Variants in SH3GL2 observed in about 807,000 individuals in gnomAD.
SH3GL2 encodes the protein SH3 domain containing GRB2 like 2, endophilin A1, also known as endophilin-A1.
SH3GL2 carries 24 observed loss-of-function variants against 46.0 expected under a neutral mutation model. The ratio of observed to expected loss-of-function variants is 0.52; its 90% CI spans 0.38 to 0.73. The LOEUF is 0.73. Ranked by LOEUF, SH3GL2 falls within the 30% of genes least tolerant of loss-of-function variation. SH3GL2 has a pLI of 0.00. For missense variants in SH3GL2, 413 were observed against 424.2 expected, an observed-to-expected ratio of 0.97 and a Z score of 0.23; for synonymous variants, 196 against 147.1, an observed-to-expected ratio of 1.33 and a Z score of -2.40.
intron 1 of SH3GL2, among the ~76,000 whole-genome samples, chr9:17,711,602 G>A (rs1821626505): frequency 6.6e-6 from 1 of 151,636 alleles, no homozygotes; most frequent in Non-Finnish European, 1.5e-5. Flanking sequence ...CTTTCAATCG[G>A]CATAATTGTT....
intron 1 of SH3GL2, among the ~76,000 whole-genome samples, chr9:17,667,911 T>C (rs1465319964): frequency 6.6e-6 from 1 of 152,216 alleles, no homozygotes; most frequent in Non-Finnish European, 1.5e-5. Context: ...CTAAGGATGT[T>C]GAGCATCTCT....
At chr9:17,761,224 T>C (rs147896599) in intron 2 of SH3GL2, among the ~76,000 whole-genome samples, 30 of 152,310 alleles carry the variant, frequency 2.0e-4, no homozygotes, top group African/African-American at 6.7e-4. Flanking sequence ...TACAAGCTTC[T>C]TCTTTGGATA....
At chr9:17,772,086 G>C (rs1823498731) in intron 3 of SH3GL2, among the ~76,000 whole-genome samples, 1 of 152,132 alleles carries the variant, frequency 6.6e-6, no homozygotes, top group Non-Finnish European at 1.5e-5. Context: ...AGAGGGCCAC[G>C]TTTCAGACTT....
chr9:17,606,750 A>T (rs1307865934), intron 1 of SH3GL2, among the ~76,000 whole-genome samples: 1 of 152,154 alleles, frequency 6.6e-6, no homozygotes, highest in African/African-American at 2.4e-5. Flanking sequence ...TAAAGGTGAA[A>T]CTTAATGTTA....
At chr9:17,601,221 G>T (rs1171437773) in intron 1 of SH3GL2, among the ~76,000 whole-genome samples, 1 of 152,106 alleles carries the variant, frequency 6.6e-6, no homozygotes, top group African/African-American at 2.4e-5. Context: ...TGTCTTAAGA[G>T]ATACCGTTGT....
intron 1 of SH3GL2, among the ~76,000 whole-genome samples, chr9:17,604,413 G>C (rs141055929): frequency 6.6e-6 from 1 of 152,214 alleles, no homozygotes; most frequent in Non-Finnish European, 1.5e-5. Flanking sequence ...GCTTAGCATA[G>C]TATTTTCACA....
intron 1 of SH3GL2, among the ~76,000 whole-genome samples, chr9:17,645,598 C>G (rs1819795993): frequency 6.6e-6 from 1 of 152,094 alleles, no homozygotes; most frequent in South Asian, 2.1e-4. Context: ...ATTTGCTTGT[C>G]TGTAAAGGGT....
At chr9:17,621,094 T>G (rs1386942963) in intron 1 of SH3GL2, among the ~76,000 whole-genome samples, 1 of 152,230 alleles carries the variant, frequency 6.6e-6, no homozygotes, top group African/African-American at 2.4e-5. Context: ...TTGTGTCATA[T>G]TAATGCCCTT....
chr9:17,743,459 C>G (rs1365509411), intron 1 of SH3GL2, among the ~76,000 whole-genome samples: 2 of 152,004 alleles, frequency 1.3e-5, no homozygotes, highest in Non-Finnish European at 2.9e-5. Context: ...CTCAGCAGCT[C>G]AAATGTCAGT....
At chr9:17,638,240 T>TTGG (rs1819591611) in intron 1 of SH3GL2, among the ~76,000 whole-genome samples, 1 of 152,094 alleles carries the variant, frequency 6.6e-6, no homozygotes, top group Admixed American at 6.6e-5. Context: ...CCTTAAAAAT[T>TTGG]TATCATTTCT....
chr9:17,728,016 A>G (rs1388547230), intron 1 of SH3GL2, among the ~76,000 whole-genome samples: 1 of 152,210 alleles, frequency 6.6e-6, no homozygotes, highest in Non-Finnish European at 1.5e-5. Flanking sequence ...CAGGAAGCAT[A>G]AAAGGGGTTT....
At chr9:17,782,754 C>A (rs973653252) in intron 3 of SH3GL2, among the ~76,000 whole-genome samples, 1 of 152,038 alleles carries the variant, frequency 6.6e-6, no homozygotes, top group Non-Finnish European at 1.5e-5. Flanking sequence ...TATACAGAAG[C>A]ATTTTATAAA....
chr9:17,789,941 A>G (rs1824074583), intron 6 of SH3GL2: 1 of 181,602 alleles, frequency 5.5e-6, no homozygotes, highest in African/African-American at 2.4e-5. Context: ...CATAAAGCCT[A>G]CAAATCGTAA....
At chr9:17,656,427 T>C (rs1042892117) in intron 1 of SH3GL2, among the ~76,000 whole-genome samples, 18 of 152,070 alleles carry the variant, frequency 1.2e-4, no homozygotes, top group Admixed American at 7.2e-4. Context: ...AGTTCCATAA[T>C]TGAAAAAATA....
chr9:17,680,412 T>C (rs1820736942), intron 1 of SH3GL2, among the ~76,000 whole-genome samples: 1 of 152,334 alleles, frequency 6.6e-6, no homozygotes, highest in African/African-American at 2.4e-5. Context: ...CTAGTTTATT[T>C]GTGTAGAGGT....
intron 7 of SH3GL2, among the ~76,000 whole-genome samples, chr9:17,792,779 C>G (rs765127249): frequency 3.3e-5 from 5 of 150,378 alleles, no homozygotes; most frequent in African/African-American, 7.6e-5. Flanking sequence ...CCACCTTCAC[C>G]CACAACCACA....
chr9:17,751,455 T>C, intron 2 of SH3GL2, among the ~76,000 whole-genome samples: 1 of 149,860 alleles, frequency 6.7e-6, no homozygotes, highest in East Asian at 1.9e-4. Flanking sequence ...AGCTGGGTTT[T>C]TGGTGTGTGT....
chr9:17,707,178 C>T (rs140483233), intron 1 of SH3GL2, among the ~76,000 whole-genome samples: 7 of 152,048 alleles, frequency 4.6e-5, no homozygotes, highest in African/African-American at 1.4e-4. Context: ...TGGGCAAGAC[C>T]CTTGACTCTC....
chr9:17,645,970 C>T (rs1193113257), intron 1 of SH3GL2, among the ~76,000 whole-genome samples: 1 of 152,052 alleles, frequency 6.6e-6, no homozygotes, highest in East Asian at 1.9e-4. Flanking sequence ...AATATGTCTT[C>T]CAACTTGGTT....
Sources: allele counts gnomAD v4.1 joint callset (sites outside exome capture counted in the v4.1 genomes callset), GRCh38; gene constraint gnomAD v4.1.1; transcripts MANE v1.5; gene names NCBI Gene and HGNC (gene_info 2026-07-23, HGNC 2026-07-21).